RAD54B: variants seen among roughly 807,000 people sequenced by gnomAD.
RAD54B encodes the protein DNA repair and recombination protein RAD54B.
In RAD54B, 78 loss-of-function variants were observed where a neutral mutation model predicts 95.8. The observed-to-expected ratio is 0.81, with a 90% CI of 0.68 to 0.98. The LOEUF is 0.98. Among genes scored for constraint, RAD54B ranks in the 50% least tolerant of loss-of-function variants. The probability of loss-of-function intolerance (pLI) is 0.00; values close to 1 mark genes in which losing one functional copy is unlikely to be tolerated. For synonymous variants in RAD54B, 328 were observed against 354.9 expected (o/e 0.92, Z 0.85); for missense variants, 957 against 1,056.6 (o/e 0.91, Z 1.31).
intron 3 of RAD54B, among the ~76,000 whole-genome samples, chr8:94,442,613 A>G (rs889664219): frequency 6.6e-6 from 1 of 151,776 alleles, no homozygotes; most frequent in Admixed American, 6.6e-5. Flanking sequence ...TTAAATAGAA[A>G]GAATAAGATC....
Position 94,455,387 on chromosome 8 carries a change from G to A in RAD54B, c.304+2881C>T, listed in dbSNP as rs1446277811. 5.3e-5 allele frequency among the ~76,000 whole-genome samples: 8 copies of A among 152,286 alleles called. No individual in the cohort carries two copies. In the South Asian group the frequency reaches 1.7e-3, roughly 32 times the overall value. On this transcript the variant is annotated intron_variant, in intron 3 of 14. Transcript: ENST00000336148. Reference sequence around the variant, plus strand: ...AAACATTTTTAAATCTATATAGTTTGATTTAAAACCTTAACAAGAGAACAT... The same window carrying A: ...AAACATTTTTAAATCTATATAGTTTAATTTAAAACCTTAACAAGAGAACAT...
intron 3 of RAD54B, chr8:94,436,794 A>G (rs1812275991): frequency 1.3e-6 from 2 of 1,549,998 alleles, no homozygotes; most frequent in East Asian, 2.4e-5. Context: ...GAATTTTCAC[A>G]TATGGCTTCA....
chr8:94,436,160 G>T (rs1041240909), intron 3 of RAD54B, among the ~76,000 whole-genome samples: 8 of 152,094 alleles, frequency 5.3e-5, no homozygotes, highest in African/African-American at 1.7e-4. Flanking sequence ...GAGAAAAAAA[G>T]TATCTCTCAG....
chr8:94,431,668 G>C (rs916010550), intron 3 of RAD54B: 1 of 976,898 alleles, frequency 1.0e-6, no homozygotes, highest in African/African-American at 1.8e-5. Context: ...TAAAATCCTA[G>C]GATTTACTCC....
intron 3 of RAD54B, among the ~76,000 whole-genome samples, chr8:94,457,828 T>C (rs903871914): frequency 6.6e-6 from 1 of 152,234 alleles, no homozygotes; most frequent in Non-Finnish European, 1.5e-5. Context: ...GGAGCATTTG[T>C]TAAATGCTTG....
At chr8:94,409,299 C>T (rs1484776543) in intron 4 of RAD54B, among the ~76,000 whole-genome samples, 3 of 151,986 alleles carry the variant, frequency 2.0e-5, no homozygotes, top group African/African-American at 2.4e-5. Context: ...AGTCCCTCTC[C>T]CTACCATACA....
At chr8:94,429,957 A>G in intron 3 of RAD54B, 1 of 985,344 alleles carries the variant, frequency 1.0e-6, no homozygotes, top group Non-Finnish European at 1.2e-6. Context: ...ACTATAATCA[A>G]ATTAGCCCTC....
At chr8:94,384,681 C>A (rs113539336) in intron 11 of RAD54B, among the ~76,000 whole-genome samples, 1 of 151,954 alleles carries the variant, frequency 6.6e-6, no homozygotes, top group South Asian at 2.1e-4. Context: ...TCTATATTAC[C>A]ACAATTTTTT....
chr8:94,425,748 C>T (rs1456886688), intron 3 of RAD54B, among the ~76,000 whole-genome samples: 2 of 150,800 alleles, frequency 1.3e-5, no homozygotes, highest in African/African-American at 4.9e-5. Flanking sequence ...ATAAGCGTAG[C>T]AGAGACTACA....
At chr8:94,432,287 T>C in intron 3 of RAD54B, 26 of 1,550,384 alleles carry the variant, frequency 1.7e-5, no homozygotes, top group Non-Finnish European at 2.3e-5. Context: ...TTTTTTGATT[T>C]TCTAAAATTA....
intron 3 of RAD54B, among the ~76,000 whole-genome samples, chr8:94,417,097 C>T (rs1352471207): frequency 6.6e-6 from 1 of 151,918 alleles, no homozygotes; most frequent in Admixed American, 6.6e-5. Context: ...ACGGATGAAC[C>T]CTGAAAACAT....
chr8:94,399,029 A>G (rs1392066025), intron 8 of RAD54B, among the ~76,000 whole-genome samples: 1 of 152,132 alleles, frequency 6.6e-6, no homozygotes, highest in African/African-American at 2.4e-5. Context: ...TCTGACCCTC[A>G]TGAGAACTCT....
chr8:94,394,049 CAT>C (rs1010875334), intron 8 of RAD54B, among the ~76,000 whole-genome samples, 167 bp from the exon 9 acceptor site: 16 of 152,216 alleles, frequency 1.1e-4, no homozygotes, highest in East Asian at 1.9e-4. Flanking sequence ...CAAGTTAAAA[CAT>C]ATTAATCACC....
intron 1 of RAD54B, 50 bp downstream of exon 1, chr8:94,474,951 C>G (rs1022512388): frequency 6.6e-6 from 1 of 152,534 alleles, no homozygotes; most frequent in Non-Finnish European, 1.5e-5. Context: ...TTGTCCCGCA[C>G]GAGCCTACAG....
intron 3 of RAD54B, among the ~76,000 whole-genome samples, chr8:94,448,363 T>C (rs1416080456): frequency 6.6e-6 from 1 of 152,128 alleles, no homozygotes; most frequent in Non-Finnish European, 1.5e-5. Flanking sequence ...CAGGGAACCC[T>C]GTACACTGTT....
At chr8:94,394,341 T>C (rs558241030) in intron 8 of RAD54B, among the ~76,000 whole-genome samples, 1 of 152,338 alleles carries the variant, frequency 6.6e-6, no homozygotes, top group South Asian at 2.1e-4. Flanking sequence ...TCTATAACTT[T>C]AGTAATTTTA....
intron 3 of RAD54B, chr8:94,429,415 T>C (rs1035626457): frequency 6.7e-5 from 60 of 901,562 alleles, no homozygotes; most frequent in Non-Finnish European, 7.7e-5. Flanking sequence ...CAGATCTCTT[T>C]TCTAGAAACA....
intron 5 of RAD54B, among the ~76,000 whole-genome samples, chr8:94,406,590 A>G (rs540787694): frequency 6.6e-6 from 1 of 152,342 alleles, no homozygotes; most frequent in East Asian, 1.9e-4. Flanking sequence ...CCTGGGCCTC[A>G]GTTTTCTCCA....
At chr8:94,395,628 A>G (rs1334143162) in intron 8 of RAD54B, among the ~76,000 whole-genome samples, 1 of 152,206 alleles carries the variant, frequency 6.6e-6, no homozygotes, top group African/African-American at 2.4e-5. Flanking sequence ...AAAGGGCACC[A>G]AGAAGTTCCA....
Sources: allele counts gnomAD v4.1 joint callset (sites outside exome capture counted in the v4.1 genomes callset), GRCh38; gene constraint gnomAD v4.1.1; transcripts MANE v1.5; gene names NCBI Gene and HGNC (gene_info 2026-07-23, HGNC 2026-07-21).